Variants in MCL1 observed in about 807,000 individuals in gnomAD.
The protein encoded by MCL1 is MCL1 apoptosis regulator, BCL2 family member, also known as induced myeloid leukemia cell differentiation protein Mcl-1.
MCL1 carries 4 observed loss-of-function variants against 24.2 expected under a neutral mutation model. The ratio of observed to expected loss-of-function variants is 0.17; its 90% confidence interval spans 0.08 to 0.38. MCL1 has a LOEUF of 0.38. MCL1 is among the 10% of genes least tolerant of loss of function. The pLI is 1.00. For missense variants in MCL1, 529 were observed against 480.3 expected, an observed-to-expected ratio of 1.10 and a Z score of -0.95; for synonymous variants, 248 against 214.0, an observed-to-expected ratio of 1.16 and a Z score of -1.39.
At chr1:150,578,736 C>T in intron 1 of MCL1, 107 bp downstream of exon 1, 2 of 1,222,500 alleles carry the variant, frequency 1.6e-6, no homozygotes, top group Non-Finnish European at 1.2e-6. Context: ...GGATGAGACA[C>T]GTTTCAACAC....
In MCL1 at chr1:150,579,505, A is replaced by G; in HGVS notation, c.26T>C (p.Val9Ala). The G allele has an allele frequency of 6.3e-7, 1 of 1,599,910 alleles. No individual in the cohort carries two copies. The highest frequency in any genetic ancestry group is 8.5e-7 in the Non-Finnish European group (1 of 1,174,312). Residue 9 changes from valine to alanine, a missense_variant, in exon 1 of 3, where the codon GTA (valine) becomes GCA (alanine). Val to Ala is a moderately conservative substitution (Grantham distance 64, BLOSUM62 0). Coordinates refer to ENST00000369026, the MANE Select transcript of MCL1 (RefSeq NM_021960.5). ...CCCACAGTAGAGGTTGAGTCCGATTACCGCGTTTCTTTTGAGGCCAAACAT... is the reference window on the plus strand; with the variant it reads ...CCCACAGTAGAGGTTGAGTCCGATTGCCGCGTTTCTTTTGAGGCCAAACAT... The part of the protein sequence containing the change: MFGLKRNA[V>A]IGLNLYCGGA...
intron 2 of MCL1, 33 bp from the exon 3 acceptor site, chr1:150,577,524 G>A (rs1647862216): frequency 1.3e-6 from 2 of 1,497,856 alleles, no homozygotes; most frequent in Non-Finnish European, 1.8e-6. Context: ...ACATTTTCAA[G>A]TATGGGTTTC....
chr1:150,578,565 C>A, intron 1 of MCL1, 74 bp from the exon 2 acceptor site: 2 of 1,569,504 alleles, frequency 1.3e-6, no homozygotes, highest in Middle Eastern at 2.2e-4. Context: ...TGCCCACCCG[C>A]GGCGGGAAAA....
chr1:150,577,556 T>C lies in MCL1; in HGVS notation c.937-65A>G, dbSNP rs587621322. 1.5e-4 allele frequency: 223 copies of C among 1,439,650 alleles called. 4 individuals carry two copies. The South Asian group carries it at 2.9e-3, about 19-fold the overall frequency. The allele number at this position is 1,439,650 out of a possible 1,614,324, so 89.2% of individuals were successfully genotyped here. ...TTTCTGCTCTCTTACAACACTACTA[T>C]CCAGAGAGAAGGTAAATTAAAATAT... On this transcript the variant is annotated intron_variant, in intron 2 of 2. Transcript: ENST00000369026.
chr1:150,578,750 C>T (rs1045470080), intron 1 of MCL1, 93 bp downstream of exon 1: 2 of 1,353,526 alleles, frequency 1.5e-6, no homozygotes, highest in Non-Finnish European at 2.0e-6. Flanking sequence ...TCAACACTGA[C>T]TCGTTTCGGT....
intron 2 of MCL1, 133 bp from the exon 3 acceptor site, chr1:150,577,624 A>C (rs1414911921): frequency 1.1e-6 from 1 of 942,832 alleles, no homozygotes; most frequent in Non-Finnish European, 1.5e-6. Flanking sequence ...ATTATTATTC[A>C]CCCCGGGGCA....
In MCL1 at chr1:150,578,828, A is replaced by C; in HGVS notation, c.688+15T>G. The C allele has an allele frequency of 6.3e-7, 1 of 1,599,696 alleles. No individual in the cohort carries two copies. The highest frequency in any genetic ancestry group is 8.5e-7 in the Non-Finnish European group (1 of 1,170,742). ...AAAAGGGAGTGAGGCCTTGGCGATT[A>C]ATGAACCCCCTTACCTTGGAAGGCC... On this transcript the variant is annotated intron_variant, in intron 1 of 2. Transcript: ENST00000369026.
At position 150,576,623 on chromosome 1, in the gene MCL1, A is replaced by T. The variant is rs985092758; in HGVS notation, c.*752T>A. ...AGTTCAAAAGGGTATGAAAAAAACT[A>T]ATGTAAATTCGATACTTCCTTCGTT... is the stretch of plus-strand genomic sequence containing the variant. On this transcript the variant is annotated 3_prime_UTR_variant, in exon 3 of 3. Transcript: ENST00000369026. 2 of 232,294 alleles carry T rather than the reference A, an allele frequency of 8.6e-6. No homozygotes were observed. Among genetic ancestry groups the T allele is most frequent in the Non-Finnish European group, 1.7e-5 (2 of 117,312 alleles). The allele number at this position is 232,294 out of a possible 1,614,324, so 14.4% of individuals were successfully genotyped here.
chr1:150,578,110 A>G (rs1051130222), intron 2 of MCL1, 134 bp downstream of exon 2: 1 of 970,350 alleles, frequency 1.0e-6, no homozygotes, highest in African/African-American at 1.6e-5. Context: ...AACATCAAAT[A>G]AACAATGGTC....
At chr1:150,577,540 T>TC in intron 2 of MCL1, 49 bp from the exon 3 acceptor site, 2 of 1,415,228 alleles carry the variant, frequency 1.4e-6, no homozygotes, top group South Asian at 2.5e-5. Flanking sequence ...GTTTCTGCTC[T>TC]CTTACAACAC....
At position 150,576,736 on chromosome 1, in the gene MCL1, A is replaced by G. The variant is rs1003275247; in HGVS notation, c.*639T>C. The G allele has an allele frequency of 2.6e-5, 6 of 232,542 alleles. No individual in the cohort carries two copies. The highest frequency in any genetic ancestry group is 4.4e-5 in the African/African-American group (2 of 45,316). The allele number at this position is 232,542 out of a possible 1,614,324, so 14.4% of individuals were successfully genotyped here. On this transcript the variant is annotated 3_prime_UTR_variant, in exon 3 of 3. Coordinates refer to ENST00000369026, the MANE Select transcript of MCL1 (RefSeq NM_021960.5). ...TTAAGAATTGAGGATATCCATATTC[A>G]TAACTAATTACTGAGCCTTCCGTCA...
At position 150,578,286 on chromosome 1, in the gene MCL1, G is replaced by A. The variant is rs1343846838; in HGVS notation, c.894C>T (p.Leu298=). The stretch of plus-strand genomic sequence containing the variant: ...CTAGCCAGTCCCGTTTTGTCCTTAC[G>A]AGAACGTCTGTGATACTTTCTGCTA... The part of the protein sequence containing the change: ...EPLAESITDV[L]VRTKRDWLVK... Residue 298 remains leucine, a synonymous_variant, in exon 2 of 3, where the codon CTC becomes CTT. Coordinates refer to ENST00000369026, the MANE Select transcript of MCL1 (RefSeq NM_021960.5). 4.3e-6 allele frequency: 7 copies of A among 1,613,946 alleles called. No homozygotes were observed. The highest frequency in any genetic ancestry group is 5.9e-6 in the Non-Finnish European group (7 of 1,180,010).
In MCL1 at chr1:150,579,053, G is replaced by T. The variant is rs587756150; in HGVS notation, c.478C>A (p.Leu160Ile). ...SGNNTSTDGS[L>I]PSTPPPAEEE... ...TCTGCTGGCGGCGGCGTCGAGGGTA[G>T]TGACCCGTCCGTACTGGTGTTATTA... Residue 160 changes from leucine (L) to isoleucine (I), a missense_variant, in exon 1 of 3, where the codon CTA becomes ATA. Physicochemically the swap from Leu to Ile is conservative, Grantham distance 5. Transcript: ENST00000369026. 42 of 1,613,184 alleles carry T rather than the reference G, an allele frequency of 2.6e-5. No individual in the cohort carries two copies. Among genetic ancestry groups the T allele is most frequent in the Non-Finnish European group, 3.1e-5 (37 of 1,180,036 alleles).
At chr1:150,578,540 G>C (rs370650239) in intron 1 of MCL1, 49 bp from the exon 2 acceptor site, 11 of 1,600,514 alleles carry the variant, frequency 6.9e-6, no homozygotes, top group South Asian at 1.1e-5. Flanking sequence ...TGTCTAAACC[G>C]GCGCAAGATT....
chr1:150,578,723 A>G, intron 1 of MCL1, 120 bp downstream of exon 1: 1 of 1,156,224 alleles, frequency 8.6e-7, no homozygotes, highest in South Asian at 1.5e-5. Context: ...GGCTTCAGGA[A>G]TAGGATGAGA....
chr1:150,575,649 A>G lies in MCL1; in HGVS notation c.*1726T>C, dbSNP rs1423306942. ...AATGACTGTTAGTGTCACAGCACCC[A>G]TGGTATTACCACCTGCTAACAGGAT... On this transcript the variant is annotated 3_prime_UTR_variant, in exon 3 of 3. Coordinates refer to ENST00000369026, the MANE Select transcript of MCL1 (RefSeq NM_021960.5). The G allele has an allele frequency of 4.3e-6, 1 of 232,990 alleles. No homozygotes were observed. Among genetic ancestry groups the G allele is most frequent in the Non-Finnish European group, 8.5e-6 (1 of 117,992 alleles). 14.4% of individuals were successfully genotyped at this position (232,990 alleles called of 1,614,324 possible). A position where few individuals can be genotyped will look rare whatever the true frequency, so the allele number is the denominator to read the frequency against.
At chr1:150,578,619 TTG>T in intron 1 of MCL1, 128 bp from the exon 2 acceptor site, 1 of 1,223,350 alleles carries the variant, frequency 8.2e-7, no homozygotes, top group Non-Finnish European at 1.1e-6. Flanking sequence ...CCACTTGAAA[TTG>T]ACATCCCACC....
At position 150,576,271 on chromosome 1, in the gene MCL1, T is replaced by C. The variant is rs183559867; in HGVS notation, c.*1104A>G. ...CAAATGGAAGGAACTCAAATGAGTA[T>C]TGCCCAATCAGAGCCCATTATTTGT... On this transcript the variant is annotated 3_prime_UTR_variant, in exon 3 of 3. Transcript: ENST00000369026. 2 of 233,138 alleles carry C rather than the reference T, an allele frequency of 8.6e-6. No homozygotes were observed. Among genetic ancestry groups the C allele is most frequent in the East Asian group, 6.1e-5 (1 of 16,430 alleles). 14.4% of individuals were successfully genotyped at this position (233,138 alleles called of 1,614,324 possible).
At chr1:150,577,672 A>G (rs1647869758) in intron 2 of MCL1, among the ~76,000 whole-genome samples, 181 bp from the exon 3 acceptor site, 1 of 152,178 alleles carries the variant, frequency 6.6e-6, no homozygotes, top group Non-Finnish European at 1.5e-5. Context: ...TTAAGCGGGG[A>G]CCCATGATAA....
Sources: allele counts gnomAD v4.1 joint callset (sites outside exome capture counted in the v4.1 genomes callset), GRCh38; gene constraint gnomAD v4.1.1; transcripts MANE v1.5; gene names NCBI Gene and HGNC (gene_info 2026-07-23, HGNC 2026-07-21).